The following PCCA variants were observed in gnomAD, a reference collection of about 807,000 sequenced individuals.
PCCA encodes the protein propionyl-CoA carboxylase subunit alpha.
PCCA carries 74 observed loss-of-function variants against 101.3 expected under a neutral mutation model. That is an observed-to-expected ratio of 0.73 (90% confidence interval 0.61 to 0.89). The LOEUF is 0.89. Ranked by LOEUF, PCCA falls within the 40% of genes least tolerant of loss-of-function variation. The pLI is 0.00. For missense variants in PCCA, 891 were observed against 907.0 expected (o/e 0.98, Z 0.23); for synonymous variants, 294 against 313.6 (o/e 0.94, Z 0.66).
chr13:100,282,499 A>G (rs1370545235), intron 12 of PCCA, among the ~76,000 whole-genome samples: 1 of 152,154 alleles, frequency 6.6e-6, no homozygotes. Flanking sequence ...GGCCAGCTGG[A>G]GTTCCAGGTG....
At chr13:100,126,145 A>G (rs1431709393) in intron 4 of PCCA, among the ~76,000 whole-genome samples, 1 of 152,208 alleles carries the variant, frequency 6.6e-6, no homozygotes, top group Admixed American at 6.5e-5. Context: ...AAAAAACACA[A>G]TCATTGCCAA....
chr13:100,366,163 A>T (rs549821357), intron 18 of PCCA, among the ~76,000 whole-genome samples: 1 of 152,236 alleles, frequency 6.6e-6, no homozygotes, highest in Non-Finnish European at 1.5e-5. Flanking sequence ...TTGCACGGTC[A>T]TCTAGATGTG....
intron 21 of PCCA, among the ~76,000 whole-genome samples, chr13:100,501,171 CAG>C (rs1331786332): frequency 6.6e-6 from 1 of 152,230 alleles, no homozygotes; most frequent in Non-Finnish European, 1.5e-5. Context: ...ATGTGTCACT[CAG>C]AGATTTTTCT....
chr13:100,151,817 C>CT (rs1055305352), intron 4 of PCCA, among the ~76,000 whole-genome samples: 5 of 152,114 alleles, frequency 3.3e-5, no homozygotes, highest in Non-Finnish European at 5.9e-5. Flanking sequence ...TCAGTTTAAA[C>CT]TTTCCATGGT....
chr13:100,275,046 G>T (rs1331336841), intron 12 of PCCA, among the ~76,000 whole-genome samples: 1 of 151,500 alleles, frequency 6.6e-6, no homozygotes, highest in Non-Finnish European at 1.5e-5. Context: ...TAGGCCCTTG[G>T]GGGAGGGGGT....
At chr13:100,404,838 C>T (rs2077577762) in intron 19 of PCCA, among the ~76,000 whole-genome samples, 1 of 152,196 alleles carries the variant, frequency 6.6e-6, no homozygotes, top group East Asian at 1.9e-4. Context: ...GGCCTTTATC[C>T]ATGAAACAGG....
intron 4 of PCCA, among the ~76,000 whole-genome samples, chr13:100,118,041 G>A (rs1215220804): frequency 2.6e-5 from 4 of 151,402 alleles, no homozygotes; most frequent in Non-Finnish European, 4.4e-5. Context: ...GTGTGAACCC[G>A]GGAGGCGGAG....
intron 21 of PCCA, among the ~76,000 whole-genome samples, chr13:100,461,825 A>G (rs901570046): frequency 2.0e-5 from 3 of 152,186 alleles, no homozygotes; most frequent in African/African-American, 7.2e-5. Context: ...CTGCCTACCC[A>G]AGCTGCATTG....
chr13:100,210,966 G>A (rs1439376634), intron 7 of PCCA, among the ~76,000 whole-genome samples: 1 of 152,208 alleles, frequency 6.6e-6, no homozygotes. Context: ...TGGAAAGCCA[G>A]TTCCTCCTCC....
intron 8 of PCCA, among the ~76,000 whole-genome samples, chr13:100,245,146 T>C (rs2061363603): frequency 6.6e-6 from 1 of 152,202 alleles, no homozygotes; most frequent in Non-Finnish European, 1.5e-5. Flanking sequence ...ATAACTATTT[T>C]GTGATTTAAA....
intron 6 of PCCA, among the ~76,000 whole-genome samples, chr13:100,176,876 T>C (rs1276594622): frequency 6.6e-6 from 1 of 152,232 alleles, no homozygotes; most frequent in African/African-American, 2.4e-5. Context: ...TTCTGATTAG[T>C]GTTTGTAGCC....
At chr13:100,518,552 A>G (rs1448753299) in intron 22 of PCCA, among the ~76,000 whole-genome samples, 1 of 152,270 alleles carries the variant, frequency 6.6e-6, no homozygotes, top group Non-Finnish European at 1.5e-5. Flanking sequence ...ACTATTTAAC[A>G]TTAAATGTGG....
intron 4 of PCCA, chr13:100,151,040 A>G (rs1407202355): frequency 4.5e-6 from 7 of 1,555,430 alleles, no homozygotes; most frequent in East Asian, 2.2e-5. Context: ...AAGAAAGCGC[A>G]TGACATCAGA....
At chr13:100,123,966 G>C (rs528927609) in intron 4 of PCCA, among the ~76,000 whole-genome samples, 28 of 152,196 alleles carry the variant, frequency 1.8e-4, no homozygotes, top group African/African-American at 6.0e-4. Flanking sequence ...TTAGTGACTA[G>C]GAGTTTCTAA....
intron 2 of PCCA, among the ~76,000 whole-genome samples, chr13:100,106,958 C>T (rs1319695684): frequency 6.6e-6 from 1 of 152,172 alleles, no homozygotes; most frequent in Non-Finnish European, 1.5e-5. Flanking sequence ...AAGTTGGTCG[C>T]TTCACCCTTC....
intron 22 of PCCA, among the ~76,000 whole-genome samples, chr13:100,521,820 C>T (rs934211899): frequency 1.3e-5 from 2 of 152,166 alleles, no homozygotes; most frequent in African/African-American, 4.8e-5. Flanking sequence ...GACACCAGGG[C>T]TGATATTGAT....
chr13:100,137,502 T>C (rs1461377771), intron 4 of PCCA, among the ~76,000 whole-genome samples: 2 of 152,216 alleles, frequency 1.3e-5, no homozygotes, highest in East Asian at 3.8e-4. Flanking sequence ...AGTTTTTGCT[T>C]TATGAAGCAC....
In PCCA at chr13:100,301,517, C is replaced by T. The variant is rs758588772; in HGVS notation, c.1123C>T (p.Arg375Cys). Residue 375 changes from arginine (R) to cysteine (C), a missense_variant, in exon 13 of 24, where the codon CGT becomes TGT. Coordinates refer to ENST00000376285, the MANE Select transcript of PCCA (RefSeq NM_000282.4). ...TGLDLVQEMI[R>C]VAKGYPLRHK... ...CCTGGACCTAGTCCAGGAAATGATC[C>T]GTGTTGCTAAGGGCTACCCTCTCAG... is the stretch of plus-strand genomic sequence containing the variant. 5 of 1,613,884 alleles carry T rather than the reference C, an allele frequency of 3.1e-6. No individual in the cohort carries two copies. Among genetic ancestry groups the T allele is most frequent in the Admixed American group, 1.7e-5 (1 of 60,000 alleles).
At chr13:100,509,468 A>G (rs555301377) in intron 21 of PCCA, among the ~76,000 whole-genome samples, 6 of 152,268 alleles carry the variant, frequency 3.9e-5, no homozygotes, top group African/African-American at 1.4e-4. Flanking sequence ...TTTGATTTCT[A>G]TATGTGCGCT....
Sources: allele counts gnomAD v4.1 joint callset (sites outside exome capture counted in the v4.1 genomes callset), GRCh38; gene constraint gnomAD v4.1.1; transcripts MANE v1.5; gene names NCBI Gene and HGNC (gene_info 2026-07-23, HGNC 2026-07-21).